The following ACOT11 variants were observed in gnomAD, a reference collection of about 807,000 sequenced individuals.
ACOT11 encodes acyl-CoA thioesterase 11, also known as acyl-coenzyme A thioesterase 11.
Under a neutral mutation model 77.5 loss-of-function variants are expected in ACOT11, and 69 were observed. That is an observed-to-expected ratio of 0.89 (90% CI 0.73 to 1.09). The LOEUF (loss-of-function observed/expected upper bound fraction) is 1.09. Among genes scored for constraint, ACOT11 ranks in the 50% least tolerant of loss-of-function variants. The pLI, the probability that ACOT11 is intolerant of heterozygous loss-of-function variation, is 0.00. For missense variants in ACOT11, 766 were observed against 813.7 expected (o/e 0.94, Z 0.71); for synonymous variants, 279 against 313.0 (o/e 0.89, Z 1.15).
chr1:54,597,465 C>T (rs748418687), intron 7 of ACOT11, 50 bp downstream of exon 7: 45 of 1,538,196 alleles, frequency 2.9e-5, no homozygotes, highest in Non-Finnish European at 3.9e-5. Flanking sequence ...TCCTCCTCCT[C>T]CCCTTGGCTA....
rs868443953 is a variant in ACOT11, at chr1:54,590,101, C to A, written c.312-2445C>A. Among the ~76,000 whole-genome samples the A allele has an allele frequency of 8.0e-3, 1,190 of 149,358 alleles. 17 individuals carry two copies. The highest frequency in any genetic ancestry group is 0.027 in the African/African-American group (1,100 of 40,170). On this transcript the variant is annotated intron_variant, in intron 3 of 15. Transcript: ENST00000343744. ...AGACTCTGTCTCAAAAAAAAAAAAA[C>A]AAAAAAACCCAAAAACTCTGTAGAT...
rs760818604 is a variant in ACOT11, at chr1:54,584,896, C to T, written c.241+34C>T. On this transcript the variant is annotated intron_variant, in intron 2 of 15. Transcript: ENST00000343744. The surrounding 1 kb of genome is among the most constrained non-coding windows in gnomAD (Gnocchi z 6.3). ...GCGCTCCCCATGGTTCCCTACCTGC[C>T]CCACAGGCCCAGAGCAGGGGCCGTG... The T allele has an allele frequency of 1.3e-6, 2 of 1,583,582 alleles. No homozygotes were observed. Among genetic ancestry groups the T allele is most frequent in the African/African-American group, 1.3e-5 (1 of 74,204 alleles).
At chr1:54,594,829 CCCTCTTGGCTCCGAGGT>C in intron 6 of ACOT11, 138 bp downstream of exon 6, 2 of 1,237,818 alleles carry the variant, frequency 1.6e-6, no homozygotes, top group Non-Finnish European at 1.1e-6. Flanking sequence ...CCTCTCCTAG[CCCTCTTGGCTCCGAGGT>C]CTCCTCCAGG....
At chr1:54,615,902 C>A in intron 15 of ACOT11, 1 of 1,060,450 alleles carries the variant, frequency 9.4e-7, no homozygotes, top group Non-Finnish European at 1.4e-6. Flanking sequence ...ATGAGAAAGC[C>A]AAGGCAATGA....
At position 54,594,608 on chromosome 1, in the gene ACOT11, G is replaced by A. The variant is rs1654829863; in HGVS notation, c.524G>A (p.Ser175Asn). The change falls in exon 6 of 16, where the codon AGT becomes AAT. Residue 175 changes from serine to asparagine, a missense_variant. By Grantham distance (46) the Ser-to-Asn change is conservative. Coordinates refer to ENST00000343744, the MANE Select transcript of ACOT11 (RefSeq NM_147161.4). Reference sequence around the variant, plus strand: ...ACAGAAGAGGAGAAGATGGAGCACAGTGTGGCGGCTGAGCGCCGGCGCATG... The same window carrying A: ...ACAGAAGAGGAGAAGATGGAGCACAATGTGGCGGCTGAGCGCCGGCGCATG... ...PRTEEEKMEHSVAAERRRMRL... is the reference protein window; with the variant it reads ...PRTEEEKMEHNVAAERRRMRL... 6.2e-7 allele frequency: 1 copy of A among 1,613,996 alleles called. No homozygotes were observed. The highest frequency in any genetic ancestry group is 1.3e-5 in the African/African-American group (1 of 74,962).
intron 1 of ACOT11, among the ~76,000 whole-genome samples, chr1:54,557,035 A>G (rs956558044): frequency 1.6e-4 from 25 of 152,094 alleles, no homozygotes; most frequent in African/African-American, 5.8e-4. Context: ...CCTCCCAAGT[A>G]GCTGAGACTA....
At chr1:54,591,097 A>G (rs1470161274) in intron 3 of ACOT11, among the ~76,000 whole-genome samples, 1 of 152,196 alleles carries the variant, frequency 6.6e-6, no homozygotes, top group African/African-American at 2.4e-5. Flanking sequence ...AGTTGCAGAC[A>G]TCGTGATGCT....
intron 1 of ACOT11, among the ~76,000 whole-genome samples, chr1:54,565,178 C>T (rs922312529): frequency 2.2e-4 from 33 of 152,176 alleles, no homozygotes; most frequent in Admixed American, 4.6e-4. Flanking sequence ...TGTGTCTGTG[C>T]AGACTGGTTC....
In ACOT11 at chr1:54,607,398, C is replaced by T; in HGVS notation, c.1502+133C>T. 7.6e-7 allele frequency: 1 copy of T among 1,324,468 alleles called. No homozygotes were observed. Among genetic ancestry groups the T allele is most frequent in the Non-Finnish European group, 1.0e-6 (1 of 961,506 alleles). The allele number at this position is 1,324,468 out of a possible 1,614,324, so 82.0% of individuals were successfully genotyped here. ...CCCATTGGCTGTGGGGCCCCAGGCA[C>T]CACTAGACTTTTCTGGGCTGCTGTG... On this transcript the variant is annotated intron_variant, in intron 14 of 15. Transcript: ENST00000343744. This position sits in a 1 kb window ranked among gnomAD's most constrained non-coding sequence, Gnocchi z 4.5.
In ACOT11 at chr1:54,594,005, T is replaced by C; in HGVS notation, c.437T>C (p.Leu146Ser). 6.2e-7 allele frequency: 1 copy of C among 1,614,128 alleles called. No individual in the cohort carries two copies. The highest frequency in any genetic ancestry group is 1.1e-5 in the South Asian group (1 of 91,082). Residue 146 changes from leucine to serine, a missense_variant, in exon 5 of 16, where the codon TTG (leucine) becomes TCG (serine). Coordinates refer to ENST00000343744, the MANE Select transcript of ACOT11 (RefSeq NM_147161.4). ...SEKQWNVCKA[L>S]ATFVARREIT... ...AAGCAGTGGAATGTGTGCAAGGCCT[T>C]GGCCACCTTCGTGGCCCGCCGAGAG...
chr1:54,623,407 C>T lies in ACOT11; in HGVS notation c.1630-7327C>T, dbSNP rs776108581. On this transcript the variant is annotated intron_variant, in intron 15 of 16. Coordinates refer to the ACOT11 transcript ENST00000371316. ...TCCCTGCAGACCATGGCGACGCTCT[C>T]TGGGGAATGCCCCCAACTCCGTGCG... 34 of 1,604,346 alleles carry T rather than the reference C, an allele frequency of 2.1e-5. No individual in the cohort carries two copies. The South Asian group carries it at 3.3e-4, about 16-fold the overall frequency.
downstream of ACOT11, chr1:54,611,726 G>C: frequency 1.2e-6 from 2 of 1,614,152 alleles, no homozygotes; most frequent in African/African-American, 2.7e-5. Flanking sequence ...GAGGCAGCCT[G>C]CCACAGCGTC....
Position 54,599,432 on chromosome 1 carries a change from G to A in ACOT11, c.884+17G>A, listed in dbSNP as rs374521603. 3.1e-6 allele frequency: 5 copies of A among 1,592,106 alleles called. No homozygotes were observed. The highest frequency in any genetic ancestry group is 4.3e-6 in the Non-Finnish European group (5 of 1,167,076). On this transcript the variant is annotated intron_variant, in intron 8 of 15. Coordinates refer to ENST00000343744, the MANE Select transcript of ACOT11 (RefSeq NM_147161.4). ...CAAACATAGGTGAGGGTCTGGGATG[G>A]GTGCGGCCACGTCCATTCAGGGCTG...
intron 3 of ACOT11, among the ~76,000 whole-genome samples, chr1:54,589,920 C>T (rs1308504778): frequency 2.0e-5 from 3 of 152,038 alleles, no homozygotes; most frequent in Non-Finnish European, 4.4e-5. Flanking sequence ...AACCCCGTCT[C>T]TACTAAAAAT....
chr1:54,548,523 TCTC>T (rs1456282796), intron 1 of ACOT11, 181 bp downstream of exon 1: 1 of 797,362 alleles, frequency 1.3e-6, no homozygotes, highest in African/African-American at 1.7e-5. Flanking sequence ...TCAGCAGCAA[TCTC>T]CAAACAAGCC....
chr1:54,612,500 C>T (rs932502136), downstream of ACOT11: 4 of 1,613,704 alleles, frequency 2.5e-6, no homozygotes, highest in Admixed American at 1.7e-5. Context: ...CAGATTGGCT[C>T]AGCAGCCAGC....
At chr1:54,599,541 C>A in intron 8 of ACOT11, 126 bp downstream of exon 8, 1 of 1,097,426 alleles carries the variant, frequency 9.1e-7, no homozygotes, top group Non-Finnish European at 1.2e-6. Flanking sequence ...AAATCCCTGC[C>A]TGGCTGATGG....
chr1:54,607,211 C>T lies in ACOT11; in HGVS notation c.1448C>T (p.Thr483Ile), dbSNP rs1432926178. ...ACCAGCCCTGCCCTCGGAGGTCACA[C>T]AAAGCCCCAGGACTTCGTGATCCTG... ...HVTSPALGGH[T>I]KPQDFVILAS... The change falls in exon 14 of 16, where the codon ACA (threonine) becomes ATA (isoleucine). Residue 483 changes from threonine to isoleucine, a missense_variant. Transcript: ENST00000343744. This position sits in a 1 kb window ranked among gnomAD's most constrained non-coding sequence, Gnocchi z 4.5. 6.2e-7 allele frequency: 1 copy of T among 1,614,214 alleles called. No individual in the cohort carries two copies. Among genetic ancestry groups the T allele is most frequent in the Non-Finnish European group, 8.5e-7 (1 of 1,180,026 alleles).
At chr1:54,579,833 C>G (rs909554680) in intron 1 of ACOT11, among the ~76,000 whole-genome samples, 1 of 152,186 alleles carries the variant, frequency 6.6e-6, no homozygotes, top group Admixed American at 6.5e-5. Context: ...TCTCACAGAA[C>G]CTCTCAAACA....
Sources: allele counts gnomAD v4.1 joint callset (sites outside exome capture counted in the v4.1 genomes callset), GRCh38; gene constraint gnomAD v4.1.1; non-coding constraint Gnocchi (gnomAD v3.1); transcripts MANE v1.5; gene names NCBI Gene and HGNC (gene_info 2026-07-23, HGNC 2026-07-21).